The following SGCD variants were observed in gnomAD, a reference collection of about 807,000 sequenced individuals.
The protein encoded by SGCD is delta-sarcoglycan.
A neutral mutation model predicts 36.6 loss-of-function variants in SGCD; 18 were observed. The observed-to-expected ratio is 0.49, with a 90% CI of 0.34 to 0.73. SGCD has a LOEUF of 0.73. Ranked by LOEUF, SGCD falls within the 30% of genes least tolerant of loss-of-function variation. SGCD has a pLI of 0.01. For synonymous variants in SGCD, 133 were observed against 130.6 expected, an observed-to-expected ratio of 1.02 and a Z score of -0.12; for missense variants, 387 against 346.7, an observed-to-expected ratio of 1.12 and a Z score of -0.92.
the SGCD span, among the ~76,000 whole-genome samples, chr5:155,795,337 A>AT: frequency 6.6e-6 from 1 of 152,156 alleles, no homozygotes; most frequent in Non-Finnish European, 1.5e-5. Context: ...CAATAATGCA[A>AT]AGCAACACTA....
chr5:156,645,809 C>G (rs1045179206), intron 6 of SGCD, among the ~76,000 whole-genome samples: 1 of 152,136 alleles, frequency 6.6e-6, no homozygotes, highest in African/African-American at 2.4e-5. Context: ...ATATCCAGTA[C>G]TGTTTCTAGT....
intron 7 of SGCD, among the ~76,000 whole-genome samples, chr5:156,714,568 C>T (rs578092483): frequency 6.6e-4 from 101 of 152,274 alleles, no homozygotes; most frequent in Middle Eastern, 3.4e-3. Flanking sequence ...AATGTCATGA[C>T]CAGAGGCTCA....
chr5:156,267,833 G>C (rs1308652044), intron 3 of SGCD, among the ~76,000 whole-genome samples: 1 of 152,056 alleles, frequency 6.6e-6, no homozygotes, highest in Admixed American at 6.6e-5. Flanking sequence ...AATCTTTTAG[G>C]CTGTCTTTTT....
chr5:156,119,766 G>A (rs1396171048), intron 2 of SGCD, among the ~76,000 whole-genome samples: 1 of 151,938 alleles, frequency 6.6e-6, no homozygotes, highest in African/African-American at 2.4e-5. Context: ...TTGGTGCCAG[G>A]GTATCTGTGA....
chr5:155,794,721 G>A, the SGCD span, among the ~76,000 whole-genome samples: 5 of 151,742 alleles, frequency 3.3e-5, no homozygotes, highest in African/African-American at 1.2e-4. Flanking sequence ...GGTAATTGGA[G>A]TACTGGGAGA....
At chr5:155,896,796 C>T (rs973024634) in intron 1 of SGCD, among the ~76,000 whole-genome samples, 1 of 152,138 alleles carries the variant, frequency 6.6e-6, no homozygotes, top group South Asian at 2.1e-4. Context: ...GCCAGCCTAG[C>T]TAGGAGACTG....
chr5:156,180,555 C>A (rs1763583337), intron 3 of SGCD, among the ~76,000 whole-genome samples: 1 of 152,006 alleles, frequency 6.6e-6, no homozygotes, highest in Non-Finnish European at 1.5e-5. Context: ...TTTAAAATAT[C>A]ATTTATAATA....
chr5:156,436,762 C>G (rs1274571732), intron 3 of SGCD, among the ~76,000 whole-genome samples: 1 of 152,104 alleles, frequency 6.6e-6, no homozygotes, highest in Non-Finnish European at 1.5e-5. Flanking sequence ...AATGTCCAAA[C>G]TCTCTGGTTT....
At position 156,444,113 on chromosome 5, in the gene SGCD, TCTCCCCTTCC is replaced by T. The variant is rs1484800511; in HGVS notation, c.193-64484_193-64475del. Among the ~76,000 whole-genome samples the T allele has an allele frequency of 1.6e-4, 13 of 80,628 alleles. 1 individual carries two copies. The highest frequency in any genetic ancestry group is 8.7e-4 in the South Asian group (2 of 2,302). The allele number at this position is 80,628 out of a possible 152,430, so 52.9% of individuals were successfully genotyped here. A position where few individuals can be genotyped will look rare whatever the true frequency, so the allele number is the denominator to read the frequency against. ...CTCTCTCTCTCTCTCTCTCTCTCTCTCTCCCCTTCCCTCTCTCTCTCTCTCCTTCCCTTTC... is the reference window on the plus strand; with the variant it reads ...CTCTCTCTCTCTCTCTCTCTCTCTCTCTCTCTCTCTCTCTCCTTCCCTTTC... On this transcript the variant is annotated intron_variant, in intron 3 of 8. Coordinates refer to ENST00000337851, the MANE Select transcript of SGCD (RefSeq NM_000337.6).
rs116662699 is a variant in SGCD at position 155,894,082 on chromosome 5, G to A, written c.-282+23658G>A. On this transcript the variant is annotated intron_variant, in intron 1 of 9. Coordinates refer to the SGCD transcript ENST00000517913. ...AGTTGTTCTGGGTGAGTTGGTGAGC[G>A]AGTGGTGAGTGAATGTGAAGACCTA... Among the ~76,000 whole-genome samples, 324 of 152,302 alleles carry A rather than the reference G, an allele frequency of 2.1e-3. 1 individual carries two copies. Among genetic ancestry groups the A allele is most frequent in the African/African-American group, 7.0e-3 (293 of 41,586 alleles).
intron 4 of SGCD, among the ~76,000 whole-genome samples, chr5:156,525,663 G>A (rs1757615395): frequency 6.6e-6 from 1 of 152,036 alleles, no homozygotes; most frequent in East Asian, 1.9e-4. Flanking sequence ...AAAGACCAAT[G>A]TCATAGAGCT....
chr5:156,059,892 CT>C (rs1223808750), intron 1 of SGCD, among the ~76,000 whole-genome samples: 2 of 146,526 alleles, frequency 1.4e-5, no homozygotes, highest in Non-Finnish European at 3.1e-5. Context: ...TTCTCTTCCT[CT>C]TTTCTTTTTA....
chr5:156,624,705 G>A (rs1266439144), intron 6 of SGCD, among the ~76,000 whole-genome samples: 1 of 152,128 alleles, frequency 6.6e-6, no homozygotes, highest in East Asian at 1.9e-4. Flanking sequence ...TCTAGAGTAC[G>A]AGTTGAATTA....
chr5:156,563,143 G>T (rs1243369575), intron 4 of SGCD, among the ~76,000 whole-genome samples: 1 of 151,886 alleles, frequency 6.6e-6, no homozygotes, highest in African/African-American at 2.4e-5. Context: ...AACCTCACCT[G>T]GCAAATTTTT....
intron 1 of SGCD, among the ~76,000 whole-genome samples, chr5:156,108,821 T>C (rs1245793223): frequency 6.6e-6 from 1 of 152,262 alleles, no homozygotes; most frequent in South Asian, 2.1e-4. Flanking sequence ...CCAGCACCAA[T>C]GCAGTGGGCT....
intron 1 of SGCD, among the ~76,000 whole-genome samples, chr5:155,990,214 G>A (rs1758404479): frequency 6.6e-6 from 1 of 152,152 alleles, no homozygotes; most frequent in Admixed American, 6.6e-5. Flanking sequence ...GCAGCTCTGA[G>A]ATAGTGTTGC....
At chr5:155,969,608 G>A (rs1015947654) in intron 1 of SGCD, among the ~76,000 whole-genome samples, 4 of 152,112 alleles carry the variant, frequency 2.6e-5, no homozygotes, top group Non-Finnish European at 5.9e-5. Flanking sequence ...TGGAGTCAGA[G>A]CAGCCTATGT....
intron 3 of SGCD, among the ~76,000 whole-genome samples, chr5:156,151,372 G>T (rs983251666): frequency 6.6e-6 from 1 of 151,690 alleles, no homozygotes; most frequent in Non-Finnish European, 1.5e-5. Flanking sequence ...TGTGTAAAAT[G>T]TAATGGAGCC....
At chr5:156,591,942 G>T (rs1162507075) in intron 5 of SGCD, among the ~76,000 whole-genome samples, 1 of 152,132 alleles carries the variant, frequency 6.6e-6, no homozygotes, top group Non-Finnish European at 1.5e-5. Flanking sequence ...ACCAATTACT[G>T]AGCTTCAGAT....
Sources: gnomAD v4.1 joint callset for allele counts (sites outside exome capture counted in the v4.1 genomes callset) on GRCh38, gnomAD v4.1.1 for gene constraint, MANE v1.5 for transcripts, NCBI Gene and HGNC (gene_info 2026-07-23, HGNC 2026-07-21) for gene names.